The following ANKRD66 variants were observed in gnomAD, a reference collection of about 807,000 sequenced individuals.
The protein encoded by ANKRD66 is ankyrin repeat domain-containing protein 66.
Under a neutral mutation model 10.9 loss-of-function variants are expected in ANKRD66, and 10 were observed. The observed-to-expected ratio is 0.91, with a 90% CI of 0.56 to 1.55. ANKRD66 has a LOEUF of 1.55. Ranked by LOEUF, ANKRD66 falls within the 40% of genes most tolerant of loss-of-function variation. The pLI is 0.00. For synonymous variants in ANKRD66, 85 were observed against 88.4 expected, an observed-to-expected ratio of 0.96 and a Z score of 0.22; for missense variants, 252 against 242.9, an observed-to-expected ratio of 1.04 and a Z score of -0.25.
Position 46,753,791 on chromosome 6 carries a change from G to C in ANKRD66, c.233G>C (p.Trp78Ser). The C allele has an allele frequency of 6.4e-7, 1 of 1,551,622 alleles. No homozygotes were observed. Among genetic ancestry groups the C allele is most frequent in the East Asian group, 2.4e-5 (1 of 40,902 alleles). The change falls in exon 4 of 5, where the codon TGG becomes TCG. Residue 78 changes from tryptophan (W) to serine (S), a missense_variant. Physicochemically the swap from Trp to Ser is radical, Grantham distance 177. Transcript: ENST00000565422. ...CCCTGCCTGGTTACTAGTGTGGGCT[G>C]GACCCCAGCTCATTTTGCAGCAGAA... ...ARPCLVTSVG[W>S]TPAHFAAEAG...
At chr6:46,747,257 T>C (rs1041873024) in intron 1 of ANKRD66, among the ~76,000 whole-genome samples, 3 of 152,204 alleles carry the variant, frequency 2.0e-5, no homozygotes, top group Admixed American at 2.0e-4. Flanking sequence ...TTTGTTTTTG[T>C]TTTGTAGAAA....
chr6:46,748,711 CT>C (rs1292992103), intron 1 of ANKRD66, among the ~76,000 whole-genome samples: 1 of 152,168 alleles, frequency 6.6e-6, no homozygotes, highest in Non-Finnish European at 1.5e-5. Flanking sequence ...GCCCAGGCAT[CT>C]GTATTTTTGA....
chr6:46,749,256 C>G (rs1766210614), intron 1 of ANKRD66, among the ~76,000 whole-genome samples: 1 of 152,172 alleles, frequency 6.6e-6, no homozygotes, highest in South Asian at 2.1e-4. Context: ...GAGTTGGTGG[C>G]TCCATGAGCC....
intron 1 of ANKRD66, among the ~76,000 whole-genome samples, chr6:46,748,774 T>C (rs970835537): frequency 2.0e-5 from 3 of 152,176 alleles, no homozygotes; most frequent in African/African-American, 7.2e-5. Flanking sequence ...AGCTGCCACA[T>C]CCTTACTCCC....
chr6:46,749,563 C>CCT (rs1379949407), intron 1 of ANKRD66, among the ~76,000 whole-genome samples: 1 of 106,698 alleles, frequency 9.4e-6, no homozygotes, highest in Non-Finnish European at 1.9e-5. Flanking sequence ...CCCCCCCCCC[C>CCT]CCCCGCTTTT....
At chr6:46,749,378 C>G (rs965405585) in intron 1 of ANKRD66, among the ~76,000 whole-genome samples, 1 of 152,124 alleles carries the variant, frequency 6.6e-6, no homozygotes, top group African/African-American at 2.4e-5. Flanking sequence ...CCGACCAGGC[C>G]CTTCCCCCTC....
intron 1 of ANKRD66, among the ~76,000 whole-genome samples, chr6:46,748,349 T>C (rs745660816): frequency 3.9e-5 from 6 of 152,344 alleles, no homozygotes; most frequent in East Asian, 1.9e-4. Context: ...TGGAAAGTTA[T>C]GGAATCTTGG....
chr6:46,749,778 C>A, intron 1 of ANKRD66, 118 bp from the exon 2 acceptor site: 1 of 1,290,648 alleles, frequency 7.7e-7, no homozygotes, highest in Non-Finnish European at 1.0e-6. Flanking sequence ...CAGCTTAGGC[C>A]ACTTTTAGAG....
At position 46,752,737 on chromosome 6, in the gene ANKRD66, GC is replaced by G. The variant is rs199910741; in HGVS notation, c.163+629del. Among the ~76,000 whole-genome samples, 762 of 152,222 alleles carry G rather than the reference GC, an allele frequency of 5.0e-3. 7 individuals are homozygous for G. The highest frequency in any genetic ancestry group is 0.017 in the African/African-American group (697 of 41,534). ...TGCTCTCAGTTAATATTAGTCCTTTGCCCTCTCAACCTCTAACAGGAATAGA... is the reference window on the plus strand; with the variant it reads ...TGCTCTCAGTTAATATTAGTCCTTTGCCTCTCAACCTCTAACAGGAATAGA... On this transcript the variant is annotated intron_variant, in intron 3 of 4. Transcript: ENST00000565422.
intron 2 of ANKRD66, 33 bp from the exon 3 acceptor site, chr6:46,751,904 T>C (rs1317165570): frequency 8.5e-6 from 12 of 1,407,950 alleles, no homozygotes; most frequent in South Asian, 1.6e-5. Context: ...AAGAGTTACA[T>C]AGAATTTCCT....
intron 1 of ANKRD66, among the ~76,000 whole-genome samples, chr6:46,748,020 T>A (rs552451713): frequency 2.0e-3 from 310 of 152,322 alleles, no homozygotes; most frequent in African/African-American, 7.2e-3. Context: ...GACCTAAAAG[T>A]AAGTCTTAAA....
At position 46,758,787 on chromosome 6, in the gene ANKRD66, C is replaced by A. The variant is rs200761978; in HGVS notation, c.457C>A (p.Arg153Ser). 6.4e-7 allele frequency: 1 copy of A among 1,551,218 alleles called. No homozygotes were observed. Among genetic ancestry groups the A allele is most frequent in the African/African-American group, 1.4e-5 (1 of 73,024 alleles). ...AQQKGLPLDE[R>S]DEDWDAKKRE... ...GCAGAAGGGGCTGCCTCTGGATGAGCGTGATGAAGACTGGGATGCCAAGAA... is the reference window on the plus strand; with the variant it reads ...GCAGAAGGGGCTGCCTCTGGATGAGAGTGATGAAGACTGGGATGCCAAGAA... The change falls in exon 5 of 5, where the codon CGT (arginine) becomes AGT (serine). Residue 153 changes from arginine (R) to serine (S), a missense_variant. Physicochemically the swap from Arg to Ser is moderately radical, Grantham distance 110. Coordinates refer to ENST00000565422, the MANE Select transcript of ANKRD66 (RefSeq NM_001162435.3).
chr6:46,749,882 T>A lies in ANKRD66; in HGVS notation c.-96-14T>A. On this transcript the variant is annotated splice_polypyrimidine_tract_variant and intron_variant, in intron 1 of 4. Coordinates refer to ENST00000565422, the MANE Select transcript of ANKRD66 (RefSeq NM_001162435.3). Reference sequence around the variant, plus strand: ...GCATTTTAATTACGTTTACTTTTCTTTCTCTCCCTCCAGGGCTGTTCTCAC... The same window carrying A: ...GCATTTTAATTACGTTTACTTTTCTATCTCTCCCTCCAGGGCTGTTCTCAC... 6.5e-7 allele frequency: 1 copy of A among 1,546,400 alleles called. No homozygotes were observed. Among genetic ancestry groups the A allele is most frequent in the Non-Finnish European group, 8.7e-7 (1 of 1,144,202 alleles).
chr6:46,758,474 T>C lies in ANKRD66; in HGVS notation c.393-249T>C, dbSNP rs143953653. Reference sequence around the variant, plus strand: ...TGAGCACTTCAAGAATCAGGAGCATTTTCTTCAAGCTGAGTGACTATCTTT... The same window carrying C: ...TGAGCACTTCAAGAATCAGGAGCATCTTCTTCAAGCTGAGTGACTATCTTT... On this transcript the variant is annotated intron_variant, in intron 4 of 4. Coordinates refer to ENST00000565422, the MANE Select transcript of ANKRD66 (RefSeq NM_001162435.3). 9.8e-3 allele frequency: 3,647 copies of C among 370,872 alleles called. 35 individuals carry two copies. Among genetic ancestry groups the C allele is most frequent in the Non-Finnish European group, 0.012 (2,540 of 209,016 alleles). The allele number at this position is 370,872 out of a possible 1,614,324, so 23.0% of individuals were successfully genotyped here.
Position 46,758,858 on chromosome 6 carries a change from T to A in ANKRD66, c.528T>A (p.Asn176Lys). ...TTCCTTCCCTAAATCAAAACATGAA[T>A]AAAAAGAATAAGAAAAGTCGAGGCC... ...LSLPSLNQNM[N>K]KKNKKSRGPT... is the part of the protein sequence containing the mutation. Residue 176 changes from asparagine (N) to lysine (K), a missense_variant, in exon 5 of 5, where the codon AAT becomes AAA. Coordinates refer to ENST00000565422, the MANE Select transcript of ANKRD66 (RefSeq NM_001162435.3). 6.4e-7 allele frequency: 1 copy of A among 1,551,254 alleles called. No individual in the cohort carries two copies. Among genetic ancestry groups the A allele is most frequent in the Non-Finnish European group, 8.7e-7 (1 of 1,146,832 alleles).
At chr6:46,750,041 C>T in intron 2 of ANKRD66, 62 bp downstream of exon 2, 1 of 858,296 alleles carries the variant, frequency 1.2e-6, no homozygotes. Context: ...GCTGCTGCTG[C>T]TGCTGGTCAC....
At chr6:46,751,839 C>A in intron 2 of ANKRD66, 98 bp from the exon 3 acceptor site, 1 of 1,231,984 alleles carries the variant, frequency 8.1e-7, no homozygotes, top group Non-Finnish European at 1.1e-6. Flanking sequence ...CAAATGCATG[C>A]GGCAGGAAAG....
At position 46,753,922 on chromosome 6, in the gene ANKRD66, C is replaced by T. The variant is rs1766320827; in HGVS notation, c.364C>T (p.Gln122Ter). The change falls in exon 4 of 5, where the codon CAG becomes TAG. Residue 122 changes from glutamine (Q) to a stop codon, truncating the protein, a stop_gained. Transcript: ENST00000565422. LOFTEE classifies it low-confidence loss of function (END_TRUNC). ...GAAGAGGATTGCACAGATCTATGGA[C>T]AGAAAGCCTGTGTGGCATTTCTGGA... The part of the protein sequence containing the change: ...TPKRIAQIYG[Q>*]KACVAFLEKA... 1.3e-6 allele frequency: 2 copies of T among 1,551,390 alleles called. No homozygotes were observed. Among genetic ancestry groups the T allele is most frequent in the South Asian group, 2.4e-5 (2 of 84,014 alleles).
intron 1 of ANKRD66, 92 bp from the exon 2 acceptor site, chr6:46,749,804 T>TC (rs752238685): frequency 1.1e-5 from 16 of 1,425,060 alleles, no homozygotes; most frequent in Non-Finnish European, 1.5e-5. Context: ...TCTTTTACTT[T>TC]CCGGTCTTTG....
Sources: gnomAD v4.1 joint callset for allele counts (sites outside exome capture counted in the v4.1 genomes callset) on GRCh38, gnomAD v4.1.1 for gene constraint, MANE v1.5 for transcripts, NCBI Gene and HGNC (gene_info 2026-07-23, HGNC 2026-07-21) for gene names.